The following SEMA3C variants were observed in gnomAD, a reference collection of about 807,000 sequenced individuals.
The protein encoded by SEMA3C is semaphorin 3C, also known as semaphorin-3C.
In SEMA3C, 47 loss-of-function variants were observed where a neutral mutation model predicts 89.4. The ratio of observed to expected loss-of-function variants is 0.53; its 90% CI spans 0.42 to 0.67. The LOEUF is 0.67. SEMA3C is among the 30% of genes least tolerant of loss of function. The pLI is 0.00. For missense variants in SEMA3C, 839 were observed against 929.1 expected (o/e 0.90, Z 1.26); for synonymous variants, 310 against 320.2 (o/e 0.97, Z 0.34).
At chr7:80,811,948 G>C (rs1789479805) in intron 5 of SEMA3C, among the ~76,000 whole-genome samples, 2 of 152,250 alleles carry the variant, frequency 1.3e-5, no homozygotes, top group South Asian at 4.1e-4. Context: ...TGTACTTGTT[G>C]TCCTTTTCAC....
chr7:80,893,093 A>C (rs1583985539), intron 2 of SEMA3C, among the ~76,000 whole-genome samples: 1 of 152,258 alleles, frequency 6.6e-6, no homozygotes, highest in South Asian at 2.1e-4. Flanking sequence ...TGAAGCCCAG[A>C]GTTTTTATTT....
rs1456783861 is a variant in SEMA3C, at chr7:80,765,237, C to T, written c.1361G>A (p.Gly454Asp). 5 of 1,610,224 alleles carry T rather than the reference C, an allele frequency of 3.1e-6. No homozygotes were observed. The Admixed American group carries it at 6.7e-5, about 22-fold the overall frequency. The change falls in exon 13 of 18, where the codon GGT becomes GAT. Residue 454 changes from glycine (G) to aspartate (D), a missense_variant. Physicochemically the swap from Gly to Asp is moderately conservative, Grantham distance 94. Transcript: ENST00000265361. ...YHVLFLGTDR[G>D]TVQKVVVLPT... Reference sequence around the variant, plus strand: ...AAGAACAACCACTTTTTGCACAGTACCCCGATCTAAATTAAAAAAAGAAGA... The same window carrying T: ...AAGAACAACCACTTTTTGCACAGTATCCCGATCTAAATTAAAAAAAGAAGA...
intron 2 of SEMA3C, among the ~76,000 whole-genome samples, chr7:80,851,183 T>C (rs1438833078): frequency 1.3e-5 from 2 of 152,114 alleles, no homozygotes; most frequent in Non-Finnish European, 2.9e-5. Flanking sequence ...CTTAAATTTA[T>C]TCACATCTGC....
intron 2 of SEMA3C, among the ~76,000 whole-genome samples, chr7:80,848,013 G>A (rs944117099): frequency 6.6e-6 from 1 of 152,106 alleles, no homozygotes; most frequent in African/African-American, 2.4e-5. Flanking sequence ...CAGATTTTAC[G>A]TATAATATGC....
Position 80,818,294 on chromosome 7 carries a change from C to G in SEMA3C, c.447+5G>C. 1 of 1,597,124 alleles carries G rather than the reference C, an allele frequency of 6.3e-7. No homozygotes were observed. The highest frequency in any genetic ancestry group is 1.1e-5 in the South Asian group (1 of 89,238). On this transcript the variant is annotated splice_donor_5th_base_variant and intron_variant, in intron 5 of 17. Coordinates refer to ENST00000265361, the MANE Select transcript of SEMA3C (RefSeq NM_006379.5). ...AAACTAAGAATGTTAAATAGTTATA[C>G]TTACCTCTGATCTCCTCCCTCTGTT...
chr7:80,822,330 T>C (rs1333831195), intron 4 of SEMA3C, among the ~76,000 whole-genome samples: 2 of 150,464 alleles, frequency 1.3e-5, no homozygotes, highest in African/African-American at 4.9e-5. Context: ...TCTTGCAGAA[T>C]AATTTAGAGA....
chr7:80,842,691 T>C (rs1270232480), intron 2 of SEMA3C, among the ~76,000 whole-genome samples: 1 of 152,042 alleles, frequency 6.6e-6, no homozygotes, highest in Non-Finnish European at 1.5e-5. Context: ...AGCAACACAT[T>C]TTACTAGGCA....
intron 2 of SEMA3C, among the ~76,000 whole-genome samples, chr7:80,908,132 A>G (rs1161911466): frequency 6.6e-6 from 1 of 152,164 alleles, no homozygotes; most frequent in Non-Finnish European, 1.5e-5. Flanking sequence ...GTCTTTTCAC[A>G]TGTAATAGTC....
intron 2 of SEMA3C, among the ~76,000 whole-genome samples, chr7:80,876,478 C>G (rs900672480): frequency 1.2e-4 from 19 of 152,136 alleles, no homozygotes; most frequent in Non-Finnish European, 1.8e-4. Context: ...TGTTTTGTGT[C>G]ACAGCTAACT....
intron 2 of SEMA3C, among the ~76,000 whole-genome samples, chr7:80,916,471 C>T (rs893887969): frequency 1.3e-5 from 2 of 152,190 alleles, no homozygotes; most frequent in Non-Finnish European, 2.9e-5. Context: ...ATATTATAAG[C>T]ATTTTCATAA....
intron 17 of SEMA3C, among the ~76,000 whole-genome samples, chr7:80,745,517 T>A (rs1232817141): frequency 1.3e-5 from 2 of 151,202 alleles, no homozygotes; most frequent in Non-Finnish European, 2.9e-5. Flanking sequence ...GTCACAGGGG[T>A]ATTGAATCTA....
At chr7:80,822,306 A>T (rs1789767541) in intron 4 of SEMA3C, among the ~76,000 whole-genome samples, 1 of 152,066 alleles carries the variant, frequency 6.6e-6, no homozygotes, top group Admixed American at 6.6e-5. Flanking sequence ...AGTAGAGGTG[A>T]CATTTGAGCT....
chr7:80,848,439 A>G (rs1349539116), intron 2 of SEMA3C, among the ~76,000 whole-genome samples: 1 of 152,278 alleles, frequency 6.6e-6, no homozygotes, highest in South Asian at 2.1e-4. Context: ...GAAAAATACT[A>G]TCTACTAGAC....
chr7:80,806,973 G>C (rs978283601), intron 6 of SEMA3C, among the ~76,000 whole-genome samples: 2 of 152,100 alleles, frequency 1.3e-5, no homozygotes, highest in Non-Finnish European at 2.9e-5. Flanking sequence ...TTAGCAAGCT[G>C]GTGTGGCGGG....
At chr7:80,770,474 G>A (rs997035821) in intron 12 of SEMA3C, among the ~76,000 whole-genome samples, 1 of 152,220 alleles carries the variant, frequency 6.6e-6, no homozygotes, top group African/African-American at 2.4e-5. Flanking sequence ...TTACAGCGAA[G>A]CTGTCACTTC....
chr7:80,911,562 G>C (rs981597639), intron 2 of SEMA3C, among the ~76,000 whole-genome samples: 1 of 150,986 alleles, frequency 6.6e-6, no homozygotes, highest in African/African-American at 2.4e-5. Flanking sequence ...ATTTGATAAA[G>C]AGTTCAATTT....
At chr7:80,786,870 G>T (rs1203513739) in intron 12 of SEMA3C, among the ~76,000 whole-genome samples, 8 of 152,144 alleles carry the variant, frequency 5.3e-5, no homozygotes, top group Non-Finnish European at 1.2e-4. Context: ...ATGGGAGATT[G>T]GATTAACTGC....
At chr7:80,920,956 T>TTAATTTAGAAAA (rs1172013677), upstream of SEMA3C, among the ~76,000 whole-genome samples, 1 of 152,210 alleles carries the variant, frequency 6.6e-6, no homozygotes, top group African/African-American at 2.4e-5. Context: ...GTGGATTAAA[T>TTAATTTAGAAAA]TAATTTAGAA....
chr7:80,915,014 T>C (rs915770842), intron 2 of SEMA3C, among the ~76,000 whole-genome samples: 3 of 152,262 alleles, frequency 2.0e-5, no homozygotes, highest in East Asian at 1.9e-4. Context: ...TTTACATTAG[T>C]TTGGATTAAT....
Sources: allele counts gnomAD v4.1 joint callset (sites outside exome capture counted in the v4.1 genomes callset), GRCh38; gene constraint gnomAD v4.1.1; transcripts MANE v1.5; gene names NCBI Gene and HGNC (gene_info 2026-07-23, HGNC 2026-07-21).